ADORA2B: variants seen among roughly 807,000 people sequenced by gnomAD.
ADORA2B encodes adenosine A2b receptor.
Under a neutral mutation model 20.8 loss-of-function variants are expected in ADORA2B, and 18 were observed. The observed-to-expected ratio is 0.87, with a 90% CI of 0.60 to 1.29. The LOEUF (loss-of-function observed/expected upper bound fraction) is 1.29. Ranked by LOEUF, ADORA2B falls within the 50% of genes most tolerant of loss-of-function variation. The probability of loss-of-function intolerance (pLI) is 0.00; values close to 1 mark genes in which losing one functional copy is unlikely to be tolerated. For synonymous variants in ADORA2B, 179 were observed against 178.3 expected (o/e 1.00, Z -0.03); for missense variants, 441 against 422.7 (o/e 1.04, Z -0.38).
chr17:15,850,676 TG>T, the ADORA2B span: 1 of 168,896 alleles, frequency 5.9e-6, no homozygotes, highest in Non-Finnish European at 1.5e-5. Context: ...GCCAGGTAGA[TG>T]AGCCCCAGGA....
chr17:15,975,143 A>T lies in ADORA2B; in HGVS notation c.800A>T (p.Lys267Met). 6.2e-7 allele frequency: 1 copy of T among 1,614,230 alleles called. No individual in the cohort carries two copies. Among genetic ancestry groups the T allele is most frequent in the African/African-American group, 1.3e-5 (1 of 75,066 alleles). The change falls in exon 2 of 2, where the codon AAG becomes ATG. Residue 267 changes from lysine to methionine, a missense_variant. Transcript: ENST00000304222. ...TLFQPAQGKN[K>M]PKWAMNMAIL... ...TTCCAGCCAGCTCAGGGTAAAAATAAGCCCAAGTGGGCAATGAATATGGCC... is the reference window on the plus strand; with the variant it reads ...TTCCAGCCAGCTCAGGGTAAAAATATGCCCAAGTGGGCAATGAATATGGCC...
At chr17:15,900,353 G>C in the ADORA2B span, among the ~76,000 whole-genome samples, 1 of 152,306 alleles carries the variant, frequency 6.6e-6, no homozygotes, top group African/African-American at 2.4e-5. Flanking sequence ...CACAGTGGCT[G>C]TACTAATTTA....
At chr17:15,905,442 G>A in the ADORA2B span, among the ~76,000 whole-genome samples, 14 of 152,200 alleles carry the variant, frequency 9.2e-5, no homozygotes, top group African/African-American at 3.1e-4. Flanking sequence ...GTGCAGTGGC[G>A]CAATCCTGAC....
chr17:15,918,633 G>A, the ADORA2B span, among the ~76,000 whole-genome samples: 1,374 of 152,102 alleles, frequency 9.0e-3, 27 homozygotes, highest in African/African-American at 0.031. Flanking sequence ...CACCACGCCC[G>A]TTTGATTTTT....
chr17:15,917,018 G>A, the ADORA2B span, among the ~76,000 whole-genome samples: 1 of 152,316 alleles, frequency 6.6e-6, no homozygotes, highest in East Asian at 1.9e-4. Flanking sequence ...CACTTGCTGT[G>A]ATCTCTTAAT....
At chr17:15,852,524 C>T in the ADORA2B span, among the ~76,000 whole-genome samples, 5 of 151,564 alleles carry the variant, frequency 3.3e-5, no homozygotes, top group Non-Finnish European at 5.9e-5. Flanking sequence ...ATAGATAATA[C>T]CAAATGATGA....
At chr17:15,932,488 C>A in the ADORA2B span, among the ~76,000 whole-genome samples, 2 of 136,052 alleles carry the variant, frequency 1.5e-5, no homozygotes, top group Non-Finnish European at 1.5e-5. Flanking sequence ...GCAAGACTCT[C>A]TCAAAAAAAA....
the ADORA2B span, among the ~76,000 whole-genome samples, chr17:15,889,019 C>G: frequency 3.4e-5 from 4 of 117,100 alleles, 2 homozygotes; most frequent in African/African-American, 1.5e-4. Context: ...CCCACCACCA[C>G]GCCTAGTTGA....
At chr17:15,876,421 T>C in the ADORA2B span, among the ~76,000 whole-genome samples, 1,847 of 149,476 alleles carry the variant, frequency 0.012, 35 homozygotes, top group African/African-American at 0.043. Flanking sequence ...GGTCTTTTTT[T>C]TTTCTTTCTT....
the ADORA2B span, among the ~76,000 whole-genome samples, chr17:15,910,358 C>T: frequency 5.9e-5 from 9 of 151,658 alleles, no homozygotes; most frequent in African/African-American, 4.8e-5. Flanking sequence ...AGTGCAGTGG[C>T]GTGATCTCAG....
chr17:15,945,393 C>T lies in ADORA2B; in HGVS notation c.145C>T (p.Leu49=). ...GCCCACCAACTACTTCCTGGTGTCCCTGGCTGCGGCCGACGTGGCCGTGGG... is the reference window on the plus strand; with the variant it reads ...GCCCACCAACTACTTCCTGGTGTCCTTGGCTGCGGCCGACGTGGCCGTGGG... The part of the protein sequence containing the change: ...QTPTNYFLVS[L]AAADVAVGLF... The change falls in exon 1 of 2, where the codon CTG becomes TTG. Residue 49 remains leucine (L), a synonymous_variant. Coordinates refer to ENST00000304222, the MANE Select transcript of ADORA2B (RefSeq NM_000676.4). 6.2e-7 allele frequency: 1 copy of T among 1,613,296 alleles called. No individual in the cohort carries two copies.
chr17:15,906,031 A>G, the ADORA2B span, among the ~76,000 whole-genome samples: 6 of 152,254 alleles, frequency 3.9e-5, no homozygotes, highest in Non-Finnish European at 5.9e-5. Flanking sequence ...GGTTTTCTAC[A>G]TAGACAATCA....
At chr17:15,893,593 G>A in the ADORA2B span, among the ~76,000 whole-genome samples, 3 of 149,676 alleles carry the variant, frequency 2.0e-5, no homozygotes, top group African/African-American at 4.9e-5. Context: ...TCTCACCTTC[G>A]TGTTTCAAGA....
the ADORA2B span, among the ~76,000 whole-genome samples, chr17:15,862,335 C>T: frequency 6.6e-6 from 1 of 150,832 alleles, no homozygotes. Flanking sequence ...CATGCCTCAG[C>T]CTCCTGAGTA....
chr17:15,901,636 G>A, the ADORA2B span, among the ~76,000 whole-genome samples: 828 of 152,226 alleles, frequency 5.4e-3, 6 homozygotes, highest in African/African-American at 0.019. Context: ...GGGAAACTGA[G>A]GCACACAGCT....
At chr17:15,890,742 G>A in the ADORA2B span, among the ~76,000 whole-genome samples, 1 of 152,126 alleles carries the variant, frequency 6.6e-6, no homozygotes, top group East Asian at 1.9e-4. Context: ...TGGCCTCTGA[G>A]CAGAGCACAG....
chr17:15,915,957 C>T, the ADORA2B span, among the ~76,000 whole-genome samples: 1 of 152,194 alleles, frequency 6.6e-6, no homozygotes, highest in African/African-American at 2.4e-5. Context: ...TTAACCGTCA[C>T]ACAAGCTGAA....
chr17:15,894,150 G>A, the ADORA2B span, among the ~76,000 whole-genome samples: 1 of 152,174 alleles, frequency 6.6e-6, no homozygotes, highest in African/African-American at 2.4e-5. Context: ...CAAGGACTGG[G>A]CACCATAATA....
the ADORA2B span, among the ~76,000 whole-genome samples, chr17:15,899,879 T>C: frequency 5.9e-5 from 9 of 151,900 alleles, no homozygotes; most frequent in African/African-American, 1.9e-4. Context: ...GTCGGCAGGC[T>C]GGGGTGCAGT....
Sources: allele counts gnomAD v4.1 joint callset (sites outside exome capture counted in the v4.1 genomes callset), GRCh38; gene constraint gnomAD v4.1.1; transcripts MANE v1.5; gene names NCBI Gene and HGNC (gene_info 2026-07-23, HGNC 2026-07-21).